The following GRID2 variants were observed in gnomAD, a reference collection of about 807,000 sequenced individuals.
GRID2 encodes the protein glutamate ionotropic receptor delta type subunit 2, also known as glutamate receptor ionotropic, delta-2.
A neutral mutation model predicts 114.8 loss-of-function variants in GRID2; 33 were observed. That is an observed-to-expected ratio of 0.29 (90% confidence interval 0.22 to 0.38). The LOEUF (loss-of-function observed/expected upper bound fraction) is 0.38. GRID2 is among the 10% of genes least tolerant of loss of function. The probability of loss-of-function intolerance (pLI) is 1.00; values close to 1 mark genes in which losing one functional copy is unlikely to be tolerated. For synonymous variants in GRID2, 505 were observed against 449.9 expected (o/e 1.12, Z -1.55); for missense variants, 1,184 against 1,257.7 (o/e 0.94, Z 0.89).
chr4:92,522,391 A>G (rs1238128059), intron 1 of GRID2, among the ~76,000 whole-genome samples: 1 of 151,950 alleles, frequency 6.6e-6, no homozygotes, highest in African/African-American at 2.4e-5. Context: ...CATTGTGACA[A>G]CTTACACATT....
rs79992053 is a variant in GRID2, at chr4:92,982,780, T to C, written c.245-102215T>C. ...AATAAAGAGAGAAATAAAATAATAATAGATGTTAAGCAGAGCCATGTATTA... is the reference window on the plus strand; with the variant it reads ...AATAAAGAGAGAAATAAAATAATAACAGATGTTAAGCAGAGCCATGTATTA... On this transcript the variant is annotated intron_variant, in intron 2 of 15. Coordinates refer to ENST00000282020, the MANE Select transcript of GRID2 (RefSeq NM_001510.4). Among the ~76,000 whole-genome samples, 702 of 152,190 alleles carry C rather than the reference T, an allele frequency of 4.6e-3. 7 individuals carry two copies. The highest frequency in any genetic ancestry group is 0.016 in the African/African-American group (677 of 41,526).
intron 14 of GRID2, among the ~76,000 whole-genome samples, chr4:93,729,845 AT>A (rs1730318418): frequency 1.3e-5 from 2 of 152,164 alleles, no homozygotes; most frequent in Non-Finnish European, 1.5e-5. Flanking sequence ...CTGCACTTTG[AT>A]TTATGGCACC....
At chr4:93,585,451 A>G (rs1737436154) in intron 13 of GRID2, among the ~76,000 whole-genome samples, 1 of 152,088 alleles carries the variant, frequency 6.6e-6, no homozygotes, top group South Asian at 2.1e-4. Flanking sequence ...TAGGGCATCA[A>G]CAAGATTAAC....
At chr4:92,642,046 G>C (rs1392325472) in intron 2 of GRID2, among the ~76,000 whole-genome samples, 2 of 151,310 alleles carry the variant, frequency 1.3e-5, no homozygotes, top group Non-Finnish European at 3.0e-5. Flanking sequence ...TAGGCGCCTA[G>C]GTTGATTTCA....
intron 9 of GRID2, among the ~76,000 whole-genome samples, chr4:93,421,696 C>A (rs566545654): frequency 6.6e-6 from 1 of 152,186 alleles, no homozygotes; most frequent in Non-Finnish European, 1.5e-5. Flanking sequence ...TATCTCATAG[C>A]AATTTTTAGG....
chr4:92,788,193 T>C (rs1739411466), intron 2 of GRID2, among the ~76,000 whole-genome samples: 1 of 151,266 alleles, frequency 6.6e-6, no homozygotes, highest in Non-Finnish European at 1.5e-5. Context: ...TCTGGGGAAA[T>C]AGGAAGATGT....
intron 1 of GRID2, among the ~76,000 whole-genome samples, chr4:92,464,505 A>C (rs1691590293): frequency 6.6e-6 from 1 of 152,076 alleles, no homozygotes; most frequent in South Asian, 2.1e-4. Flanking sequence ...ATATATGTTA[A>C]TTATTTTCTT....
chr4:93,695,958 A>G (rs1231471210), intron 14 of GRID2, among the ~76,000 whole-genome samples: 1 of 152,240 alleles, frequency 6.6e-6, no homozygotes, highest in Non-Finnish European at 1.5e-5. Context: ...AAACATGCCA[A>G]GCCAAGCAAC....
chr4:92,456,937 T>G (rs1721245673), intron 1 of GRID2, among the ~76,000 whole-genome samples: 1 of 152,152 alleles, frequency 6.6e-6, no homozygotes, highest in Admixed American at 6.5e-5. Flanking sequence ...CTAAAATTCT[T>G]AAATATTTAT....
chr4:93,120,945 T>A (rs1023418811), intron 4 of GRID2, among the ~76,000 whole-genome samples: 43 of 152,182 alleles, frequency 2.8e-4, no homozygotes, highest in African/African-American at 9.9e-4. Context: ...AGTGCGAGAC[T>A]CTGTCTCAAA....
At chr4:93,016,406 T>G (rs1039962556) in intron 2 of GRID2, among the ~76,000 whole-genome samples, 5 of 152,062 alleles carry the variant, frequency 3.3e-5, no homozygotes, top group African/African-American at 7.2e-5. Flanking sequence ...GTAAATTAAT[T>G]TATGTTGCTT....
chr4:93,138,162 ATGGGGTTTTACCATGTTGCC>A (rs1735443658), intron 4 of GRID2, among the ~76,000 whole-genome samples: 1 of 151,700 alleles, frequency 6.6e-6, no homozygotes, highest in South Asian at 2.1e-4. Flanking sequence ...TTTGGTAGAG[ATGGGGTTTTACCATGTTGCC>A]CAGGCTGGTC....
intron 1 of GRID2, among the ~76,000 whole-genome samples, chr4:92,401,826 T>C (rs4133324): frequency 0.22 from 34,057 of 152,016 alleles, 3,906 homozygotes; most frequent in South Asian, 0.34. Context: ...TTTCTTAGCA[T>C]AAGAAAACAA....
chr4:92,489,221 A>G (rs1033156932), intron 1 of GRID2, among the ~76,000 whole-genome samples: 1 of 152,206 alleles, frequency 6.6e-6, no homozygotes, highest in Non-Finnish European at 1.5e-5. Flanking sequence ...TGATAACAAT[A>G]TAATTTTTTT....
intron 2 of GRID2, among the ~76,000 whole-genome samples, chr4:92,638,747 ATTTG>A (rs1731197656): frequency 6.6e-6 from 1 of 150,556 alleles, no homozygotes; most frequent in Non-Finnish European, 1.5e-5. Context: ...TGAAAGGGAT[ATTTG>A]TTATTTTTAA....
chr4:93,255,270 A>C (rs570356466), intron 8 of GRID2, among the ~76,000 whole-genome samples: 20 of 152,224 alleles, frequency 1.3e-4, no homozygotes, highest in Admixed American at 5.2e-4. Flanking sequence ...TCTATCTTAC[A>C]TATATATAGT....
At chr4:92,475,160 C>G (rs967213473) in intron 1 of GRID2, among the ~76,000 whole-genome samples, 26 of 147,932 alleles carry the variant, frequency 1.8e-4, no homozygotes, top group African/African-American at 5.5e-4. Flanking sequence ...TAATAAAAAG[C>G]TTTTTATTTT....
chr4:92,922,585 T>G (rs1482505705), intron 2 of GRID2, among the ~76,000 whole-genome samples: 1 of 152,160 alleles, frequency 6.6e-6, no homozygotes, highest in Non-Finnish European at 1.5e-5. Context: ...AATATGAAAT[T>G]ACAAAAACAT....
intron 2 of GRID2, among the ~76,000 whole-genome samples, chr4:92,900,006 G>A (rs1747456170): frequency 6.6e-6 from 1 of 152,104 alleles, no homozygotes; most frequent in Admixed American, 6.6e-5. Flanking sequence ...GGGAAAGGAT[G>A]TAAATTTGAA....
Sources: gnomAD v4.1 joint callset for allele counts (sites outside exome capture counted in the v4.1 genomes callset) on GRCh38, gnomAD v4.1.1 for gene constraint, MANE v1.5 for transcripts, NCBI Gene and HGNC (gene_info 2026-07-23, HGNC 2026-07-21) for gene names.